HEMK2: variants seen among roughly 807,000 people sequenced by gnomAD.
HEMK2 encodes HemK methyltransferase 2, ETF1 glutamine and histone H4 lysine, also known as methyltransferase HEMK2.
the HEMK2 span, among the ~76,000 whole-genome samples, chr21:28,824,383 C>T: frequency 6.6e-6 from 1 of 152,164 alleles, no homozygotes; most frequent in Non-Finnish European, 1.5e-5. Flanking sequence ...TTGCAAAAGA[C>T]TTCATGTTCT....
At chr21:28,864,818 GAC>G in the HEMK2 span, among the ~76,000 whole-genome samples, 3 of 84,280 alleles carry the variant, frequency 3.6e-5, no homozygotes, top group Admixed American at 4.0e-4. Flanking sequence ...AAGACAGACA[GAC>G]AGATAGATAG....
At chr21:28,838,092 A>G in the HEMK2 span, among the ~76,000 whole-genome samples, 2 of 152,238 alleles carry the variant, frequency 1.3e-5, no homozygotes, top group Admixed American at 6.5e-5. Flanking sequence ...ACAGATTCAC[A>G]GCAGAATTCT....
At chr21:28,577,961 C>T in the HEMK2 span, among the ~76,000 whole-genome samples, 2 of 152,144 alleles carry the variant, frequency 1.3e-5, no homozygotes, top group Admixed American at 6.5e-5. Context: ...GTCAAAACAA[C>T]CTTTACTCTC....
the HEMK2 span, among the ~76,000 whole-genome samples, chr21:28,849,315 C>G: frequency 6.6e-6 from 1 of 152,048 alleles, no homozygotes; most frequent in African/African-American, 2.4e-5. Flanking sequence ...TACAATCAAA[C>G]TCCCAGAGCA....
At chr21:28,613,053 T>C in the HEMK2 span, among the ~76,000 whole-genome samples, 23 of 151,786 alleles carry the variant, frequency 1.5e-4, no homozygotes, top group African/African-American at 5.3e-4. Context: ...GCCCATCAAT[T>C]AACAAGTGGA....
At chr21:28,711,403 C>A in the HEMK2 span, among the ~76,000 whole-genome samples, 8 of 152,194 alleles carry the variant, frequency 5.3e-5, no homozygotes, top group South Asian at 1.5e-3. Flanking sequence ...CAGGCCAAAC[C>A]AGGCAAGAAG....
the HEMK2 span, among the ~76,000 whole-genome samples, chr21:28,617,654 G>A: frequency 5.9e-5 from 9 of 151,530 alleles, no homozygotes; most frequent in African/African-American, 2.2e-4. Context: ...TCATGATATG[G>A]CACTTTGTGT....
the HEMK2 span, among the ~76,000 whole-genome samples, chr21:28,739,858 AAT>A: frequency 6.6e-6 from 1 of 152,214 alleles, no homozygotes; most frequent in Non-Finnish European, 1.5e-5. Context: ...ACACAGTGAA[AAT>A]ACACACCCAA....
the HEMK2 span, among the ~76,000 whole-genome samples, chr21:28,646,897 T>C: frequency 6.6e-6 from 1 of 151,818 alleles, no homozygotes; most frequent in Non-Finnish European, 1.5e-5. Context: ...GAACATCCCT[T>C]CTGATTCATT....
At chr21:28,849,128 C>T in the HEMK2 span, among the ~76,000 whole-genome samples, 3 of 152,266 alleles carry the variant, frequency 2.0e-5, no homozygotes, top group East Asian at 5.8e-4. Context: ...CTGGGAAGAC[C>T]TCAGCCCCTC....
At chr21:28,673,148 G>C in the HEMK2 span, among the ~76,000 whole-genome samples, 1 of 145,704 alleles carries the variant, frequency 6.9e-6, no homozygotes, top group Non-Finnish European at 1.5e-5. Flanking sequence ...AGAAAAAGAG[G>C]AAGGAAGGAA....
chr21:28,856,365 A>AGATCGTG, the HEMK2 span, among the ~76,000 whole-genome samples: 1 of 152,022 alleles, frequency 6.6e-6, no homozygotes, highest in Non-Finnish European at 1.5e-5. Context: ...CAGTGAGCTG[A>AGATCGTG]GATCGTGCCA....
the HEMK2 span, among the ~76,000 whole-genome samples, chr21:28,685,770 G>C: frequency 6.6e-6 from 1 of 152,194 alleles, no homozygotes; most frequent in Non-Finnish European, 1.5e-5. Flanking sequence ...GGGAGAATGA[G>C]AGAGTAGGGA....
chr21:28,698,977 A>C, the HEMK2 span, among the ~76,000 whole-genome samples: 1 of 152,216 alleles, frequency 6.6e-6, no homozygotes, highest in Admixed American at 6.5e-5. Flanking sequence ...GGTTTTGCAT[A>C]TTCTTTATAA....
chr21:28,699,870 T>A, the HEMK2 span, among the ~76,000 whole-genome samples: 1 of 152,236 alleles, frequency 6.6e-6, no homozygotes, highest in Non-Finnish European at 1.5e-5. Context: ...GTGACAAGAA[T>A]CCTTACTCAG....
the HEMK2 span, among the ~76,000 whole-genome samples, chr21:28,772,224 A>C: frequency 6.6e-6 from 1 of 152,200 alleles, no homozygotes; most frequent in African/African-American, 2.4e-5. Context: ...TATGTTGGGA[A>C]AGTCCTAAAA....
chr21:28,705,535 C>A, the HEMK2 span, among the ~76,000 whole-genome samples: 404 of 152,258 alleles, frequency 2.7e-3, 3 homozygotes, highest in African/African-American at 9.1e-3. Context: ...CATAGTACAG[C>A]CTACACAATA....
the HEMK2 span, among the ~76,000 whole-genome samples, chr21:28,808,873 T>C: frequency 6.6e-6 from 1 of 152,150 alleles, no homozygotes; most frequent in African/African-American, 2.4e-5. Flanking sequence ...CATTTCAACT[T>C]ATTCAAATTT....
chr21:28,579,121 A>G, the HEMK2 span, among the ~76,000 whole-genome samples: 1 of 152,196 alleles, frequency 6.6e-6, no homozygotes, highest in East Asian at 1.9e-4. Context: ...AGTTGTAGAA[A>G]ATGGATGGTA....
Sources: gnomAD v4.1 joint callset for allele counts (sites outside exome capture counted in the v4.1 genomes callset) on GRCh38, gnomAD v4.1.1 for gene constraint, MANE v1.5 for transcripts, NCBI Gene and HGNC (gene_info 2026-07-23, HGNC 2026-07-21) for gene names.